The following RP1 variants were observed in gnomAD, a reference collection of about 807,000 sequenced individuals.
RP1 encodes the protein oxygen-regulated protein 1.
In RP1, 16 loss-of-function variants were observed where a neutral mutation model predicts 14.8. The ratio of observed to expected loss-of-function variants is 1.08; its 90% CI spans 0.73 to 1.65. The LOEUF (loss-of-function observed/expected upper bound fraction) is 1.65, where lower values mean the gene tolerates loss of function less well. Among genes scored for constraint, RP1 ranks in the 40% most tolerant of loss-of-function variants. RP1 has a pLI of 0.00. For missense variants in RP1, 2,631 were observed against 2,535.0 expected, an observed-to-expected ratio of 1.04 and a Z score of -0.81; for synonymous variants, 876 against 883.6, an observed-to-expected ratio of 0.99 and a Z score of 0.15.
At chr8:54,806,372 C>A (rs910469269) in intron 24 of RP1, among the ~76,000 whole-genome samples, 1 of 152,014 alleles carries the variant, frequency 6.6e-6, no homozygotes, top group African/African-American at 2.4e-5. Context: ...GATGGACATC[C>A]TTTCAGTGTG....
intron 27 of RP1, among the ~76,000 whole-genome samples, chr8:54,857,846 C>A: frequency 6.6e-6 from 1 of 152,128 alleles, no homozygotes; most frequent in East Asian, 1.9e-4. Context: ...CCTGTCAATT[C>A]CACTTCATTC....
rs556895063 is a variant in RP1 at position 54,570,501 on chromosome 8, A to G, written c.-13+11181A>G. Among the ~76,000 whole-genome samples the G allele has an allele frequency of 2.6e-5, 4 of 151,426 alleles. No homozygotes were observed. In the East Asian group the frequency reaches 7.8e-4, roughly 30 times the overall value. ...GCGCCACCATGCCCAGCTAATTTTT[A>G]TATTTTTAGTAGAGATGGGGTTTCA... is the stretch of plus-strand genomic sequence containing the variant. On this transcript the variant is annotated intron_variant, in intron 1 of 22. Coordinates refer to the RP1 transcript ENST00000636932.
chr8:54,604,495 T>C (rs1187685261), intron 1 of RP1, among the ~76,000 whole-genome samples: 3 of 152,196 alleles, frequency 2.0e-5, no homozygotes, highest in Non-Finnish European at 4.4e-5. Flanking sequence ...CGGTCTAAAA[T>C]TCTCTTTTTT....
chr8:54,713,405 A>G (rs1808336065), intron 15 of RP1, among the ~76,000 whole-genome samples: 1 of 152,192 alleles, frequency 6.6e-6, no homozygotes, highest in South Asian at 2.1e-4. Flanking sequence ...ATGAATACAA[A>G]GGAAAAAAAG....
intron 28 of RP1, among the ~76,000 whole-genome samples, chr8:54,867,373 A>G (rs1327180872): frequency 6.6e-6 from 1 of 152,182 alleles, no homozygotes; most frequent in Non-Finnish European, 1.5e-5. Flanking sequence ...ATGAAATTCA[A>G]GCTCTAGGAA....
chr8:54,807,270 A>T (rs1320244357), intron 24 of RP1, among the ~76,000 whole-genome samples: 1 of 152,258 alleles, frequency 6.6e-6, no homozygotes. Context: ...AAACATTGCA[A>T]AAAACAGAAA....
chr8:54,758,003 T>G (rs2129368592), intron 21 of RP1, among the ~76,000 whole-genome samples: 1 of 152,328 alleles, frequency 6.6e-6, no homozygotes, highest in Admixed American at 6.5e-5. Context: ...GAGCCAATAG[T>G]TGTAGTGTGT....
At chr8:54,562,029 A>G (rs921058801) in intron 1 of RP1, 1 of 152,346 alleles carries the variant, frequency 6.6e-6, no homozygotes, top group South Asian at 2.1e-4. Context: ...TACAGAAGGT[A>G]TATGAAATTG....
chr8:54,788,298 T>A (rs971040892), intron 24 of RP1, among the ~76,000 whole-genome samples: 2 of 152,182 alleles, frequency 1.3e-5, no homozygotes, highest in African/African-American at 4.8e-5. Context: ...AGAATGTTTA[T>A]CTGGGTCTTT....
intron 1 of RP1, among the ~76,000 whole-genome samples, chr8:54,574,259 G>C (rs1408270528): frequency 6.6e-6 from 1 of 152,184 alleles, no homozygotes; most frequent in Non-Finnish European, 1.5e-5. Context: ...GAGGCTCCAG[G>C]TGTCATGAAA....
intron 27 of RP1, among the ~76,000 whole-genome samples, chr8:54,860,914 G>A (rs146889623): frequency 8.7e-4 from 133 of 152,322 alleles, no homozygotes; most frequent in African/African-American, 3.2e-3. Flanking sequence ...AGGTAGGCTG[G>A]AGGTGAGGGC....
chr8:54,577,069 G>C (rs1804678533), intron 1 of RP1, among the ~76,000 whole-genome samples: 2 of 152,134 alleles, frequency 1.3e-5, no homozygotes. Context: ...CCAGGCTGGA[G>C]TGCAGTGGCA....
chr8:54,721,380 A>G (rs1429140097), intron 16 of RP1, among the ~76,000 whole-genome samples: 1 of 152,232 alleles, frequency 6.6e-6, no homozygotes, highest in African/African-American at 2.4e-5. Context: ...CAAAGCTAGC[A>G]GAAGAATACA....
chr8:54,730,569 G>C (rs1177958565), intron 17 of RP1, among the ~76,000 whole-genome samples: 1 of 151,892 alleles, frequency 6.6e-6, no homozygotes. Context: ...TTGCATTTCT[G>C]GTTTATATTA....
At chr8:54,705,809 C>T (rs1056354584) in intron 14 of RP1, among the ~76,000 whole-genome samples, 3 of 140,120 alleles carry the variant, frequency 2.1e-5, no homozygotes, top group Non-Finnish European at 4.5e-5. Flanking sequence ...GAACAGATAT[C>T]CAATTTTAGC....
chr8:54,836,829 A>T (rs942823966), intron 24 of RP1, among the ~76,000 whole-genome samples: 1 of 152,024 alleles, frequency 6.6e-6, no homozygotes, highest in Non-Finnish European at 1.5e-5. Flanking sequence ...TACAACAGAA[A>T]TAGAAAACTA....
intron 1 of RP1, among the ~76,000 whole-genome samples, chr8:54,573,723 C>T (rs973619070): frequency 3.9e-5 from 6 of 152,130 alleles, no homozygotes; most frequent in African/African-American, 1.4e-4. Flanking sequence ...TTTATCCCAA[C>T]ATTTTATAGA....
intron 7 of RP1, among the ~76,000 whole-genome samples, chr8:54,666,904 G>C (rs1473674522): frequency 6.6e-6 from 1 of 151,900 alleles, no homozygotes; most frequent in Non-Finnish European, 1.5e-5. Flanking sequence ...AACCATAAAA[G>C]TTAGGTTTTC....
At chr8:54,720,939 G>T (rs1183148401) in intron 16 of RP1, among the ~76,000 whole-genome samples, 13 of 152,158 alleles carry the variant, frequency 8.5e-5, no homozygotes, top group Non-Finnish European at 1.5e-5. Flanking sequence ...CAATTACCTT[G>T]AAGTTTAGAT....
Sources: allele counts gnomAD v4.1 joint callset (sites outside exome capture counted in the v4.1 genomes callset), GRCh38; gene constraint gnomAD v4.1.1; transcripts MANE v1.5; gene names NCBI Gene and HGNC (gene_info 2026-07-23, HGNC 2026-07-21).